Variants in SCLT1 observed in about 807,000 individuals in gnomAD.
The protein encoded by SCLT1 is sodium channel and clathrin linker 1, also known as sodium channel-associated protein 1.
Under a neutral mutation model 112.8 loss-of-function variants are expected in SCLT1, and 78 were observed. The observed-to-expected ratio is 0.69, with a 90% confidence interval of 0.58 to 0.83. The LOEUF (loss-of-function observed/expected upper bound fraction) is 0.83, where lower values mean the gene tolerates loss of function less well. Among genes scored for constraint, SCLT1 ranks in the 40% least tolerant of loss-of-function variants. The pLI is 0.00. For synonymous variants in SCLT1, 257 were observed against 254.7 expected (o/e 1.01, Z -0.09); for missense variants, 747 against 770.4 (o/e 0.97, Z 0.36).
chr4:128,900,629 T>C (rs1734199900), intron 18 of SCLT1, among the ~76,000 whole-genome samples: 1 of 152,242 alleles, frequency 6.6e-6, no homozygotes, highest in Admixed American at 6.5e-5. Flanking sequence ...AAGGACTTCA[T>C]GTCTAAAACA....
At chr4:128,974,961 T>A (rs1006679411) in intron 9 of SCLT1, among the ~76,000 whole-genome samples, 6 of 151,946 alleles carry the variant, frequency 3.9e-5, no homozygotes, top group Non-Finnish European at 8.8e-5. Flanking sequence ...GTATGCTTGT[T>A]AATCCACTTT....
intron 16 of SCLT1, among the ~76,000 whole-genome samples, chr4:128,944,272 G>A (rs1028696896): frequency 1.3e-5 from 2 of 152,124 alleles, no homozygotes; most frequent in African/African-American, 2.4e-5. Context: ...TCTAGGGAAT[G>A]ATAATAAAAG....
chr4:128,969,765 T>C (rs1003682925), intron 10 of SCLT1, among the ~76,000 whole-genome samples: 1 of 152,172 alleles, frequency 6.6e-6, no homozygotes, highest in African/African-American at 2.4e-5. Flanking sequence ...GGGTGCTTTC[T>C]GGTGTTTTAA....
chr4:129,079,330 A>G (rs1751732540), intron 2 of SCLT1, among the ~76,000 whole-genome samples: 1 of 152,240 alleles, frequency 6.6e-6, no homozygotes, highest in Admixed American at 6.5e-5. Flanking sequence ...ACCCTGTGAA[A>G]TAAAAAACAA....
rs188361239 is a variant in SCLT1 at position 128,891,943 on chromosome 4, C to T, written c.1830-806G>A. Among the ~76,000 whole-genome samples the T allele has an allele frequency of 9.2e-5, 14 of 152,210 alleles. No homozygotes were observed. The East Asian group carries it at 2.7e-3, about 29-fold the overall frequency. On this transcript the variant is annotated intron_variant, in intron 18 of 20. Coordinates refer to ENST00000281142, the MANE Select transcript of SCLT1 (RefSeq NM_144643.4). ...TATAGGCATGAGCCACTGTGCCTGG[C>T]CTTAGTATGCATTTGTAAGATTCAT...
At chr4:129,086,559 A>T (rs1164064323) in intron 1 of SCLT1, among the ~76,000 whole-genome samples, 1 of 152,148 alleles carries the variant, frequency 6.6e-6, no homozygotes, top group African/African-American at 2.4e-5. Context: ...GCACTTATCC[A>T]GAGGGTTCAG....
chr4:128,986,235 C>T (rs1456574823), intron 9 of SCLT1, among the ~76,000 whole-genome samples: 1 of 152,056 alleles, frequency 6.6e-6, no homozygotes, highest in African/African-American at 2.4e-5. Context: ...CACAGTGGAA[C>T]ACAACATAGG....
intron 18 of SCLT1, among the ~76,000 whole-genome samples, chr4:128,910,018 G>A (rs575912992): frequency 2.6e-5 from 4 of 152,240 alleles, no homozygotes; most frequent in East Asian, 1.9e-4. Flanking sequence ...GAGTGAAGGC[G>A]GCCACTTTAG....
Position 128,977,668 on chromosome 4 carries a change from A to G in SCLT1, c.687-7200T>C, listed in dbSNP as rs995021801. On this transcript the variant is annotated intron_variant, in intron 9 of 20. Coordinates refer to ENST00000281142, the MANE Select transcript of SCLT1 (RefSeq NM_144643.4). Reference sequence around the variant, plus strand: ...GGTAGGAGAATTACAGGTGAAGATAATTAAGAATAAATGAAAGAATATGAG... The same window carrying G: ...GGTAGGAGAATTACAGGTGAAGATAGTTAAGAATAAATGAAAGAATATGAG... 1.6e-4 allele frequency among the ~76,000 whole-genome samples: 25 copies of G among 152,302 alleles called. No homozygotes were observed. The East Asian group carries it at 4.6e-3, about 28-fold the overall frequency.
chr4:128,920,779 C>G (rs1406501706), intron 18 of SCLT1, among the ~76,000 whole-genome samples: 1 of 152,096 alleles, frequency 6.6e-6, no homozygotes, highest in Non-Finnish European at 1.5e-5. Context: ...CTCTCACTAC[C>G]CCTATTCAAC....
At chr4:129,050,259 G>A (rs1748650910) in intron 2 of SCLT1, among the ~76,000 whole-genome samples, 1 of 152,092 alleles carries the variant, frequency 6.6e-6, no homozygotes, top group Non-Finnish European at 1.5e-5. Context: ...CACAGTAATT[G>A]GATTGCTGGG....
intron 1 of SCLT1, among the ~76,000 whole-genome samples, chr4:129,085,209 G>A (rs1752288198): frequency 1.3e-5 from 2 of 152,202 alleles, no homozygotes; most frequent in South Asian, 2.1e-4. Flanking sequence ...CAAAGCTCAT[G>A]AACAGACACC....
chr4:128,969,187 T>G (rs1191097525), intron 10 of SCLT1, among the ~76,000 whole-genome samples: 1 of 152,218 alleles, frequency 6.6e-6, no homozygotes, highest in African/African-American at 2.4e-5. Flanking sequence ...ATAATTTAGT[T>G]GTCAGGCATG....
chr4:129,029,100 C>A (rs1043801924), intron 5 of SCLT1, among the ~76,000 whole-genome samples: 3 of 152,014 alleles, frequency 2.0e-5, no homozygotes, highest in Non-Finnish European at 2.9e-5. Context: ...TAGTTCAACC[C>A]TTGTGGAAGT....
At chr4:128,879,976 A>C (rs1269388905), downstream of SCLT1, among the ~76,000 whole-genome samples, 1 of 152,228 alleles carries the variant, frequency 6.6e-6, no homozygotes, top group East Asian at 1.9e-4. Context: ...ATGCCTTATC[A>C]AAGGAATTAA....
In SCLT1 at chr4:129,077,895, A is replaced by G. The variant is rs1441025437; in HGVS notation, c.102+4411T>C. On this transcript the variant is annotated intron_variant, in intron 2 of 20. Coordinates refer to ENST00000281142, the MANE Select transcript of SCLT1 (RefSeq NM_144643.4). ...ACATATGGCCAAGGATATGGGCATT[A>G]TTGCTAGAAAGCAGATTAATTTCCT... is the stretch of plus-strand genomic sequence containing the variant. Among the ~76,000 whole-genome samples, 4 of 152,358 alleles carry G rather than the reference A, an allele frequency of 2.6e-5. No individual in the cohort carries two copies. In the South Asian group the frequency reaches 8.3e-4, roughly 32 times the overall value.
At chr4:129,020,699 T>C (rs1478571663) in intron 5 of SCLT1, among the ~76,000 whole-genome samples, 2 of 152,240 alleles carry the variant, frequency 1.3e-5, no homozygotes, top group Non-Finnish European at 2.9e-5. Context: ...ATTCCACGTA[T>C]ATACTTATCA....
At chr4:129,009,065 T>C (rs1353985808) in intron 5 of SCLT1, among the ~76,000 whole-genome samples, 2 of 152,246 alleles carry the variant, frequency 1.3e-5, no homozygotes, top group African/African-American at 4.8e-5. Flanking sequence ...AGTCCACTGT[T>C]GATGGGCATC....
At chr4:128,991,738 G>C (rs1049856546) in intron 9 of SCLT1, among the ~76,000 whole-genome samples, 12 of 151,590 alleles carry the variant, frequency 7.9e-5, no homozygotes, top group African/African-American at 2.7e-4. Context: ...GATGATTTGT[G>C]GGTTCCCCAT....
Sources: allele counts gnomAD v4.1 joint callset (sites outside exome capture counted in the v4.1 genomes callset), GRCh38; gene constraint gnomAD v4.1.1; transcripts MANE v1.5; gene names NCBI Gene and HGNC (gene_info 2026-07-23, HGNC 2026-07-21).